The following AHCYL2 variants were observed in gnomAD, a reference collection of about 807,000 sequenced individuals.
The protein encoded by AHCYL2 is S-adenosylhomocysteine hydrolase-like protein 2.
A neutral mutation model predicts 81.4 loss-of-function variants in AHCYL2; 28 were observed. That is an observed-to-expected ratio of 0.34 (90% confidence interval 0.25 to 0.47). The LOEUF (loss-of-function observed/expected upper bound fraction) is 0.47. Among genes scored for constraint, AHCYL2 ranks in the 20% least tolerant of loss-of-function variants. The pLI is 1.00. For missense variants in AHCYL2, 551 were observed against 785.1 expected (o/e 0.70, Z 3.56); for synonymous variants, 272 against 290.2 (o/e 0.94, Z 0.64).
In AHCYL2 at chr7:129,426,132, C is replaced by T. The variant is rs1222766145; in HGVS notation, c.1709-311C>T. On this transcript the variant is annotated intron_variant, in intron 15 of 16. Transcript: ENST00000325006. This position sits in a 1 kb window ranked among gnomAD's most constrained non-coding sequence, Gnocchi z 4.3. Reference sequence around the variant, plus strand: ...TTGGAGCTTCCCATTATTTAGTTCCCACATTATCCTATTCCTTCTTTTAAA... The same window carrying T: ...TTGGAGCTTCCCATTATTTAGTTCCTACATTATCCTATTCCTTCTTTTAAA... 1.3e-5 allele frequency among the ~76,000 whole-genome samples: 2 copies of T among 152,184 alleles called. No homozygotes were observed. The highest frequency in any genetic ancestry group is 2.9e-5 in the Non-Finnish European group (2 of 68,032).
chr7:129,340,563 G>C (rs1203806865), intron 1 of AHCYL2, among the ~76,000 whole-genome samples: 3 of 139,722 alleles, frequency 2.1e-5, no homozygotes, highest in South Asian at 2.2e-4. Context: ...GCGAGACTCC[G>C]TCTCAAAAAA....
chr7:129,302,173 C>T (rs1041743034), intron 1 of AHCYL2, among the ~76,000 whole-genome samples: 9 of 152,142 alleles, frequency 5.9e-5, no homozygotes, highest in African/African-American at 1.9e-4. Flanking sequence ...ATTTCTTTTT[C>T]GGATTACTTG....
chr7:129,342,742 A>G (rs1202577532), intron 1 of AHCYL2, among the ~76,000 whole-genome samples: 2 of 152,220 alleles, frequency 1.3e-5, no homozygotes, highest in African/African-American at 4.8e-5. Flanking sequence ...CATGTTTAAA[A>G]TAAGGGATAT....
At position 129,320,639 on chromosome 7, in the gene AHCYL2, T is replaced by TA. The variant is rs560548977; in HGVS notation, c.364-58998dup. ...ATCACAGTTTTTAAAAAAATTGAGATATAAATAATATGCCATAAAATCTTC... is the reference window on the plus strand; with the variant it reads ...ATCACAGTTTTTAAAAAAATTGAGATAATAAATAATATGCCATAAAATCTTC... On this transcript the variant is annotated intron_variant, in intron 1 of 16. Transcript: ENST00000325006. 5.3e-4 allele frequency among the ~76,000 whole-genome samples: 80 copies of TA among 152,306 alleles called. No individual in the cohort carries two copies. The South Asian group carries it at 6.6e-3, about 13-fold the overall frequency.
At chr7:129,292,073 T>C (rs2150751975) in intron 1 of AHCYL2, among the ~76,000 whole-genome samples, 1 of 152,320 alleles carries the variant, frequency 6.6e-6, no homozygotes, top group East Asian at 1.9e-4. Context: ...TACTGTATCA[T>C]GTATTACTGT....
chr7:129,369,741 G>A (rs1357869746), intron 1 of AHCYL2, among the ~76,000 whole-genome samples: 1 of 151,912 alleles, frequency 6.6e-6, no homozygotes, highest in Non-Finnish European at 1.5e-5. Flanking sequence ...TGGTGGAGAT[G>A]GGGTTTCACC....
At chr7:129,303,212 T>C (rs1303532884) in intron 1 of AHCYL2, among the ~76,000 whole-genome samples, 1 of 152,202 alleles carries the variant, frequency 6.6e-6, no homozygotes, top group East Asian at 1.9e-4. Flanking sequence ...TTGGTCAGGC[T>C]GGTCTCGAAC....
chr7:129,264,232 A>T lies in AHCYL2; in HGVS notation c.363+38793A>T, dbSNP rs1201442699. Among the ~76,000 whole-genome samples, 3 of 152,168 alleles carry T rather than the reference A, an allele frequency of 2.0e-5. No individual in the cohort carries two copies. The East Asian group carries it at 5.8e-4, about 29-fold the overall frequency. ...GAGACGGGGTTTCACCTTGTTAGCC[A>T]GGATGGTCTCAATCTCCTGACCTCG... On this transcript the variant is annotated intron_variant, in intron 1 of 16. Coordinates refer to ENST00000325006, the MANE Select transcript of AHCYL2 (RefSeq NM_015328.4).
rs1450798705 is a variant in AHCYL2 at position 129,406,435 on chromosome 7, G to T, written c.1264G>T (p.Glu422Ter). 6.2e-7 allele frequency: 1 copy of T among 1,613,900 alleles called. No individual in the cohort carries two copies. Among genetic ancestry groups the T allele is most frequent in the African/African-American group, 1.3e-5 (1 of 74,848 alleles). ...CATGGGCTCCATTGTGTATGTAACT[G>T]AAATTGACCCCATCTGTGCCCTGCA... is the stretch of plus-strand genomic sequence containing the variant. ...KAMGSIVYVTEIDPICALQAC... is the reference protein window; with the variant it reads ...KAMGSIVYVT The change falls in exon 10 of 17, where the codon GAA becomes TAA. Residue 422 changes from glutamate (E) to a stop codon, truncating the protein, a stop_gained. Transcript: ENST00000325006. LOFTEE classifies it high-confidence loss of function. The surrounding 1 kb of genome is among the most constrained non-coding windows in gnomAD (Gnocchi z 4.3).
intron 1 of AHCYL2, among the ~76,000 whole-genome samples, chr7:129,251,378 C>G (rs1456474602): frequency 8.0e-6 from 1 of 125,554 alleles, no homozygotes; most frequent in Non-Finnish European, 1.6e-5. Flanking sequence ...TTTTGTGATG[C>G]TTGTGTGAAG....
intron 1 of AHCYL2, among the ~76,000 whole-genome samples, chr7:129,236,722 CATACATTTACCA>C (rs1411329308): frequency 2.6e-5 from 4 of 152,196 alleles, no homozygotes; most frequent in Admixed American, 6.5e-5. Flanking sequence ...ACTCTTTCAC[CATACATTTACCA>C]ATACTGAGTA....
At chr7:129,358,122 G>A (rs546886095) in intron 1 of AHCYL2, among the ~76,000 whole-genome samples, 6 of 150,932 alleles carry the variant, frequency 4.0e-5, no homozygotes, top group Admixed American at 6.6e-5. Context: ...GGCCAGGGGC[G>A]GTGGCTCACC....
rs1436692276 is a variant in AHCYL2, at chr7:129,409,502, T to C, written c.1322T>C (p.Leu441Ser). ...ACMDGFRLVK[L>S]NEVIRQVDIV... is the part of the protein sequence containing the mutation. ...ATGGATGGATTTCGACTGGTGAAAT[T>C]AAATGAGGTCATCCGACAAGTGGAC... Residue 441 changes from leucine to serine, a missense_variant, in exon 11 of 17, where the codon TTA becomes TCA. Transcript: ENST00000325006. The C allele has an allele frequency of 2.0e-5, 33 of 1,613,808 alleles. No individual in the cohort carries two copies. Among genetic ancestry groups the C allele is most frequent in the Non-Finnish European group, 2.8e-5 (33 of 1,179,904 alleles).
At chr7:129,339,015 A>T (rs762053405) in intron 1 of AHCYL2, among the ~76,000 whole-genome samples, 1 of 152,162 alleles carries the variant, frequency 6.6e-6, no homozygotes, top group Non-Finnish European at 1.5e-5. Context: ...AAGACTTTCA[A>T]CTTGCTCCTT....
At chr7:129,366,167 A>G (rs1331648969) in intron 1 of AHCYL2, among the ~76,000 whole-genome samples, 1 of 152,062 alleles carries the variant, frequency 6.6e-6, no homozygotes. Flanking sequence ...TAGCTCCTCT[A>G]TGACCACAGC....
chr7:129,308,209 A>G (rs1797513208), intron 1 of AHCYL2, among the ~76,000 whole-genome samples: 1 of 152,124 alleles, frequency 6.6e-6, no homozygotes, highest in Non-Finnish European at 1.5e-5. Flanking sequence ...TTTCAAGTTT[A>G]CTTAGAACCC....
chr7:129,275,736 A>G (rs1796178835), intron 1 of AHCYL2, among the ~76,000 whole-genome samples: 1 of 152,192 alleles, frequency 6.6e-6, no homozygotes, highest in African/African-American at 2.4e-5. Flanking sequence ...TGTAGATAGA[A>G]TATAGGAAGA....
Position 129,406,470 on chromosome 7 carries a change from A to G in AHCYL2, c.1295+4A>G. 6.2e-7 allele frequency: 1 copy of G among 1,613,506 alleles called. No homozygotes were observed. The highest frequency in any genetic ancestry group is 8.5e-7 in the Non-Finnish European group (1 of 1,179,562). The stretch of plus-strand genomic sequence containing the variant: ...CCATCTGTGCCCTGCAAGCCTGGTA[A>G]GCCTCTACGCTACCATCTCACTTGC... On this transcript the variant is annotated splice_donor_region_variant and intron_variant, in intron 10 of 16. Coordinates refer to ENST00000325006, the MANE Select transcript of AHCYL2 (RefSeq NM_015328.4). This position sits in a 1 kb window ranked among gnomAD's most constrained non-coding sequence, Gnocchi z 4.3.
chr7:129,233,383 A>G (rs1460000586), intron 1 of AHCYL2, among the ~76,000 whole-genome samples: 1 of 151,938 alleles, frequency 6.6e-6, no homozygotes, highest in African/African-American at 2.4e-5. Flanking sequence ...GTATCTTGCC[A>G]TGTTGCAGGT....
Sources: gnomAD v4.1 joint callset for allele counts (sites outside exome capture counted in the v4.1 genomes callset) on GRCh38, gnomAD v4.1.1 for gene constraint, Gnocchi (gnomAD v3.1) non-coding constraint, MANE v1.5 for transcripts, NCBI Gene and HGNC (gene_info 2026-07-23, HGNC 2026-07-21) for gene names.